Variants in PIK3C3 observed in about 807,000 individuals in gnomAD.
PIK3C3 encodes PI3-kinase type 3.
Under a neutral mutation model 126.1 loss-of-function variants are expected in PIK3C3, and 95 were observed. The observed-to-expected ratio is 0.75, with a 90% CI of 0.64 to 0.89. The LOEUF (loss-of-function observed/expected upper bound fraction) is 0.89. PIK3C3 is among the 40% of genes least tolerant of loss of function. The pLI, the probability that PIK3C3 is intolerant of heterozygous loss-of-function variation, is 0.00. For synonymous variants in PIK3C3, 374 were observed against 360.0 expected, an observed-to-expected ratio of 1.04 and a Z score of -0.44; for missense variants, 829 against 1,063.2, an observed-to-expected ratio of 0.78 and a Z score of 3.06.
rs988631376 is a variant in PIK3C3 at position 41,970,138 on chromosome 18, T to C, written c.402-189T>C. Reference sequence around the variant, plus strand: ...GCGCTTGGAGGAGAAAAGAATGGCATGTGCAAAGCAGTGTGACATGGATTT... The same window carrying C: ...GCGCTTGGAGGAGAAAAGAATGGCACGTGCAAAGCAGTGTGACATGGATTT... On this transcript the variant is annotated intron_variant, in intron 3 of 24. Transcript: ENST00000262039. 6.5e-4 allele frequency among the ~76,000 whole-genome samples: 99 copies of C among 152,194 alleles called. 2 individuals are homozygous for C. The highest frequency in any genetic ancestry group is 8.8e-5 in the Non-Finnish European group (6 of 68,030).
At position 42,083,839 on chromosome 18, in the gene PIK3C3, G is replaced by A. The variant is rs1986332304; in HGVS notation, c.*2702G>A. On this transcript the variant is annotated 3_prime_UTR_variant, in exon 25 of 25. Transcript: ENST00000262039. ...GTCGAGTTAGACCCCAGTGATCACA[G>A]TCTTGACGATTAAATTCTTCCAGCT... 1 of 152,196 alleles carries A rather than the reference G, an allele frequency of 6.6e-6. No homozygotes were observed. The highest frequency in any genetic ancestry group is 2.1e-4 in the South Asian group (1 of 4,830). 9.4% of individuals were successfully genotyped at this position (152,196 alleles called of 1,614,324 possible).
Position 42,085,302 on chromosome 18 carries a change from C to T in PIK3C3, c.*4165C>T, listed in dbSNP as rs1461085074. On this transcript the variant is annotated 3_prime_UTR_variant, in exon 25 of 25. Transcript: ENST00000262039. Reference sequence around the variant, plus strand: ...CAAAATACAGTATTATTTTCATTTGCTGTAACATTTTAAGAAATATGTAGT... The same window carrying T: ...CAAAATACAGTATTATTTTCATTTGTTGTAACATTTTAAGAAATATGTAGT... 1.3e-5 allele frequency: 2 copies of T among 152,106 alleles called. No homozygotes were observed. The highest frequency in any genetic ancestry group is 2.1e-4 in the South Asian group (1 of 4,816). 9.4% of individuals were successfully genotyped at this position (152,106 alleles called of 1,614,324 possible). A position where few individuals can be genotyped will look rare whatever the true frequency, so the allele number is the denominator to read the frequency against.
Position 41,973,136 on chromosome 18 carries a change from GTTA to G in PIK3C3, c.531+2685_531+2687del, listed in dbSNP as rs368603763. Among the ~76,000 whole-genome samples, 382 of 152,180 alleles carry G rather than the reference GTTA, an allele frequency of 2.5e-3. 1 individual carries two copies. Among genetic ancestry groups the G allele is most frequent in the Non-Finnish European group, 3.5e-3 (241 of 67,942 alleles). On this transcript the variant is annotated intron_variant, in intron 4 of 24. Coordinates refer to ENST00000262039, the MANE Select transcript of PIK3C3 (RefSeq NM_002647.4). ...TGGGATTATCTACCTGGGTTTCATA[GTTA>G]TTATCTTACTAGGGAATAAAATTGT...
chr18:41,964,498 T>C (rs750450249), intron 3 of PIK3C3, among the ~76,000 whole-genome samples: 6 of 152,074 alleles, frequency 3.9e-5, no homozygotes, highest in Non-Finnish European at 5.9e-5. Flanking sequence ...CTAAATACAT[T>C]TAATGGGCCT....
At position 42,085,171 on chromosome 18, in the gene PIK3C3, T is replaced by C. The variant is rs1439226330; in HGVS notation, c.*4034T>C. 1 of 152,140 alleles carries C rather than the reference T, an allele frequency of 6.6e-6. No homozygotes were observed. Among genetic ancestry groups the C allele is most frequent in the Admixed American group, 6.6e-5 (1 of 15,240 alleles). The allele number at this position is 152,140 out of a possible 1,614,324, so 9.4% of individuals were successfully genotyped here. On this transcript the variant is annotated 3_prime_UTR_variant, in exon 25 of 25. Transcript: ENST00000262039. Reference sequence around the variant, plus strand: ...ATATTAAGAATAGGTACAATGTAAATACTGGTAAGTGAAAGTTCATTTTGT... The same window carrying C: ...ATATTAAGAATAGGTACAATGTAAACACTGGTAAGTGAAAGTTCATTTTGT...
chr18:42,001,334 T>C (rs983280974), intron 9 of PIK3C3, among the ~76,000 whole-genome samples: 5 of 152,358 alleles, frequency 3.3e-5, no homozygotes, highest in Non-Finnish European at 7.3e-5. Context: ...TGCTTCAATT[T>C]AGTCAGCTAA....
At chr18:41,993,233 ATT>A (rs748181965) in intron 6 of PIK3C3, 35 bp from the exon 7 acceptor site, 1 of 1,312,444 alleles carries the variant, frequency 7.6e-7, no homozygotes, top group East Asian at 2.3e-5. Flanking sequence ...ATTGTATTAA[ATT>A]TCTTTTTTTA....
chr18:42,073,526 G>A (rs1402925085), intron 24 of PIK3C3, among the ~76,000 whole-genome samples: 12 of 152,100 alleles, frequency 7.9e-5, no homozygotes, highest in Admixed American at 6.6e-4. Flanking sequence ...ATCTTACTAC[G>A]CTGAAGGTGA....
At chr18:42,074,079 T>G (rs530290821) in intron 24 of PIK3C3, among the ~76,000 whole-genome samples, 1 of 152,224 alleles carries the variant, frequency 6.6e-6, no homozygotes, top group Non-Finnish European at 1.5e-5. Context: ...AGTCGCTCTT[T>G]CCTGGGTCAG....
At chr18:41,970,571 A>G in intron 4 of PIK3C3, 115 bp downstream of exon 4, 1 of 923,654 alleles carries the variant, frequency 1.1e-6, no homozygotes, top group Non-Finnish European at 1.7e-6. Flanking sequence ...CTTAACTTTT[A>G]AATAATTGTT....
At chr18:42,054,132 A>C (rs4988830) in intron 21 of PIK3C3, among the ~76,000 whole-genome samples, 9,868 of 19,228 alleles carry the variant, frequency 0.51, 671 homozygotes, top group South Asian at 0.53. Context: ...AATGGTATAT[A>C]TATATATATA....
intron 7 of PIK3C3, 63 bp downstream of exon 7, chr18:41,993,404 C>A: frequency 9.8e-7 from 1 of 1,021,480 alleles, no homozygotes; most frequent in Non-Finnish European, 1.5e-6. Flanking sequence ...GAGTTAGCCA[C>A]ATCATGTACT....
rs184240650 is a variant in PIK3C3 at position 41,962,338 on chromosome 18, C to G, written c.258-151C>G. The G allele has an allele frequency of 1.1e-3, 517 of 476,234 alleles. 1 individual carries two copies. Among genetic ancestry groups the G allele is most frequent in the African/African-American group, 9.3e-3 (470 of 50,358 alleles). The allele number at this position is 476,234 out of a possible 1,614,324, so 29.5% of individuals were successfully genotyped here. A position where few individuals can be genotyped will look rare whatever the true frequency, so the allele number is the denominator to read the frequency against. On this transcript the variant is annotated intron_variant, in intron 2 of 24. Transcript: ENST00000262039. ...ATTTAAAATGGAAAGTTGCCTTTAG[C>G]AAAATTGAGGTGACTGCCATATTAT...
chr18:42,055,055 T>G (rs1985001224), intron 21 of PIK3C3, among the ~76,000 whole-genome samples: 1 of 152,124 alleles, frequency 6.6e-6, no homozygotes, highest in South Asian at 2.1e-4. Flanking sequence ...CTCCTCCAAA[T>G]CTCATGTTGA....
chr18:42,067,403 C>T lies in PIK3C3; in HGVS notation c.2539C>T (p.Arg847Cys), dbSNP rs373107502. ...TATCTTATAGGTTCAGGATAAATTC[C>T]GCTTAGACCTGTCGGATGAAGAGGC... ...KTVKKVQDKF[R>C]LDLSDEEAVH... The change falls in exon 24 of 25, where the codon CGC (arginine) becomes TGC (cysteine). Residue 847 changes from arginine (R) to cysteine (C), a missense_variant. Arg to Cys is a radical substitution (Grantham distance 180, BLOSUM62 -3). Transcript: ENST00000262039. The T allele has an allele frequency of 2.5e-5, 41 of 1,613,782 alleles. No individual in the cohort carries two copies. The highest frequency in any genetic ancestry group is 4.5e-5 in the East Asian group (2 of 44,880).
intron 24 of PIK3C3, among the ~76,000 whole-genome samples, chr18:42,075,207 T>C (rs62082880): frequency 0.24 from 36,666 of 151,984 alleles, 4,774 homozygotes; most frequent in South Asian, 0.4. Context: ...AATTTTATCA[T>C]TAGGAATGAA....
chr18:42,001,667 GT>G (rs1238095464), intron 9 of PIK3C3, among the ~76,000 whole-genome samples: 1 of 152,054 alleles, frequency 6.6e-6, no homozygotes, highest in Admixed American at 6.6e-5. Flanking sequence ...AGTGCCTTAT[GT>G]TTTTTGGCAG....
chr18:42,074,615 G>A (rs1985905059), intron 24 of PIK3C3, among the ~76,000 whole-genome samples: 1 of 152,032 alleles, frequency 6.6e-6, no homozygotes, highest in Non-Finnish European at 1.5e-5. Context: ...AACTATTGCA[G>A]GTTTAAAGCA....
Position 42,004,398 on chromosome 18 carries a change from C to T in PIK3C3, c.1027C>T (p.Gln343Ter), listed in dbSNP as rs1982438943. ...FLKCVNWDLP[Q>*]EAKQALELLG... Reference sequence around the variant, plus strand: ...GAAATGTGTTAATTGGGATCTACCTCAAGAGGCCAAACAGGCCTTGGAACT... The same window carrying T: ...GAAATGTGTTAATTGGGATCTACCTTAAGAGGCCAAACAGGCCTTGGAACT... The change falls in exon 10 of 25, where the codon CAA becomes TAA. Residue 343 changes from glutamine (Q) to a stop codon, truncating the protein, a stop_gained. Coordinates refer to ENST00000262039, the MANE Select transcript of PIK3C3 (RefSeq NM_002647.4). LOFTEE classifies it high-confidence loss of function. 5 of 1,613,066 alleles carry T rather than the reference C, an allele frequency of 3.1e-6. No individual in the cohort carries two copies. Among genetic ancestry groups the T allele is most frequent in the Admixed American group, 1.7e-5 (1 of 59,778 alleles).
Sources: allele counts gnomAD v4.1 joint callset (sites outside exome capture counted in the v4.1 genomes callset), GRCh38; gene constraint gnomAD v4.1.1; transcripts MANE v1.5; gene names NCBI Gene and HGNC (gene_info 2026-07-23, HGNC 2026-07-21).